The following C12orf42 variants were observed in gnomAD, a reference collection of about 807,000 sequenced individuals.
C12orf42 encodes the protein chromosome 12 open reading frame 42.
In C12orf42, 25 loss-of-function variants were observed where a neutral mutation model predicts 21.6. The observed-to-expected ratio is 1.16, with a 90% CI of 0.84 to 1.62. C12orf42 has a LOEUF of 1.62. Ranked by LOEUF, C12orf42 falls within the 40% of genes most tolerant of loss-of-function variation. The probability of loss-of-function intolerance (pLI) is 0.00; values close to 1 mark genes in which losing one functional copy is unlikely to be tolerated. For synonymous variants in C12orf42, 174 were observed against 175.0 expected, an observed-to-expected ratio of 0.99 and a Z score of 0.05; for missense variants, 483 against 459.3, an observed-to-expected ratio of 1.05 and a Z score of -0.47.
At chr12:103,346,100 A>G (rs1442560842) in intron 4 of C12orf42, among the ~76,000 whole-genome samples, 1 of 152,212 alleles carries the variant, frequency 6.6e-6, no homozygotes, top group Non-Finnish European at 1.5e-5. Flanking sequence ...TCAATGTTAA[A>G]TAACAAGAAA....
chr12:103,505,418 T>G, the C12orf42 span: 4 of 358,306 alleles, frequency 1.1e-5, no homozygotes, highest in Non-Finnish European at 1.6e-5. Flanking sequence ...CATTGACTGG[T>G]AACCACCTGA....
intron 4 of C12orf42, among the ~76,000 whole-genome samples, chr12:103,346,325 G>A (rs2042619009): frequency 6.6e-6 from 1 of 152,110 alleles, no homozygotes; most frequent in African/African-American, 2.4e-5. Context: ...GTTTATAAAT[G>A]AATAAACACA....
the C12orf42 span, among the ~76,000 whole-genome samples, chr12:103,063,959 G>A: frequency 2.0e-5 from 3 of 148,890 alleles, no homozygotes; most frequent in Admixed American, 1.3e-4. Context: ...AGTTAAAAAG[G>A]TTCTAATAGT....
chr12:103,086,374 G>T, the C12orf42 span, among the ~76,000 whole-genome samples: 2 of 148,668 alleles, frequency 1.3e-5, no homozygotes, highest in African/African-American at 4.9e-5. Flanking sequence ...GGTTTAAGAT[G>T]AAAAAAAAAG....
At chr12:103,445,180 T>C (rs113367497) in intron 2 of C12orf42, among the ~76,000 whole-genome samples, 1,760 of 152,196 alleles carry the variant, frequency 0.012, 32 homozygotes, top group African/African-American at 0.04. Flanking sequence ...CTGTGGGATC[T>C]GACACTGTCT....
At chr12:103,495,353 G>A (rs868659543) in intron 1 of C12orf42, among the ~76,000 whole-genome samples, 1 of 152,140 alleles carries the variant, frequency 6.6e-6, no homozygotes, top group African/African-American at 2.4e-5. Context: ...GAGGTGAGCA[G>A]GGCTGCAAAG....
exon 11 of C12orf42, chr12:103,237,902 C>A (rs2033524411): frequency 6.6e-6 from 1 of 152,144 alleles, no homozygotes; most frequent in African/African-American, 2.4e-5. Flanking sequence ...TCACAGGAAA[C>A]CTGGATTCAA....
At chr12:103,210,675 T>G in the C12orf42 span, among the ~76,000 whole-genome samples, 1 of 151,374 alleles carries the variant, frequency 6.6e-6, no homozygotes, top group African/African-American at 2.4e-5. Flanking sequence ...TAGTTTTCTT[T>G]TATTAATTGT....
chr12:103,157,640 T>A, the C12orf42 span, among the ~76,000 whole-genome samples: 2 of 152,198 alleles, frequency 1.3e-5, no homozygotes, highest in African/African-American at 2.4e-5. Context: ...TGAGTTAATT[T>A]TTGTATAACG....
At chr12:103,188,777 C>T in the C12orf42 span, among the ~76,000 whole-genome samples, 1 of 152,224 alleles carries the variant, frequency 6.6e-6, no homozygotes, top group Non-Finnish European at 1.5e-5. Context: ...TTTCTGAAAG[C>T]TTCATCAGAT....
At chr12:103,118,508 C>A in the C12orf42 span, among the ~76,000 whole-genome samples, 2 of 152,012 alleles carry the variant, frequency 1.3e-5, no homozygotes, top group Admixed American at 1.3e-4. Context: ...TATGAAAATA[C>A]TAGCTTTTGG....
chr12:103,301,292 G>A (rs2037630344), downstream of C12orf42, among the ~76,000 whole-genome samples: 1 of 152,188 alleles, frequency 6.6e-6, no homozygotes, highest in East Asian at 1.9e-4. Context: ...AAAACTGCAT[G>A]TATGCATATC....
rs12368950 is a variant in C12orf42, at chr12:103,412,406, C to T, written c.79-10731G>A. ...AGAGACAGCTGGGCGCAGTAGCTCA[C>T]GCCTGTAATCCCAGCACTTTGGGAG... On this transcript the variant is annotated intron_variant, in intron 2 of 5. Coordinates refer to ENST00000548883, the MANE Select transcript of C12orf42 (RefSeq NM_198521.5). 7.6e-4 allele frequency among the ~76,000 whole-genome samples: 116 copies of T among 152,328 alleles called. 1 individual carries two copies. The highest frequency in any genetic ancestry group is 1.2e-3 in the Non-Finnish European group (84 of 68,024).
chr12:103,499,098 G>A (rs374141120), upstream of C12orf42, among the ~76,000 whole-genome samples: 4 of 152,084 alleles, frequency 2.6e-5, no homozygotes, highest in South Asian at 2.1e-4. Flanking sequence ...GATGGGGAGC[G>A]AGGAGGATGG....
At chr12:103,330,187 A>G (rs1199773647) in intron 4 of C12orf42, among the ~76,000 whole-genome samples, 5 of 152,184 alleles carry the variant, frequency 3.3e-5, no homozygotes, top group Non-Finnish European at 5.9e-5. Flanking sequence ...ATAGTGTTTA[A>G]TTGGGATTAT....
chr12:103,307,844 G>T (rs1460241430), intron 4 of C12orf42, among the ~76,000 whole-genome samples: 1 of 152,094 alleles, frequency 6.6e-6, no homozygotes, highest in Admixed American at 6.6e-5. Context: ...TTGGGGAGAG[G>T]GGTGCTGTGA....
intron 10 of C12orf42, among the ~76,000 whole-genome samples, chr12:103,259,538 CA>C (rs1433605371): frequency 1.3e-5 from 2 of 152,202 alleles, no homozygotes; most frequent in Non-Finnish European, 2.9e-5. Context: ...CTCGGCCTCC[CA>C]AAGTGCTGGG....
chr12:103,317,294 C>G (rs887826322), intron 4 of C12orf42, among the ~76,000 whole-genome samples: 2 of 152,110 alleles, frequency 1.3e-5, no homozygotes, highest in African/African-American at 2.4e-5. Flanking sequence ...TCAACCACCC[C>G]CTCTCTCCTA....
rs1954218998 is a variant in C12orf42, at chr12:103,478,361, TG to T, written c.65del (p.Ala22GlufsTer14). 1 of 1,601,272 alleles carries T rather than the reference TG, an allele frequency of 6.2e-7. No homozygotes were observed. Among genetic ancestry groups the T allele is most frequent in the Non-Finnish European group, 8.5e-7 (1 of 1,171,594 alleles). On this transcript the variant is annotated frameshift_variant, in exon 2 of 6. Coordinates refer to ENST00000548883, the MANE Select transcript of C12orf42 (RefSeq NM_198521.5). LOFTEE classifies it high-confidence loss of function. Reference sequence around the variant, plus strand: ...TCTTATGCATTACCTGCATCCTGTTTGCAAAAGGTCTGATGGTTAGCAAGAA... The same window carrying T: ...TCTTATGCATTACCTGCATCCTGTTTCAAAAGGTCTGATGGTTAGCAAGAA... ...EEFLLTIRPF[A>X]NRMQKSPCYI...
Sources: gnomAD v4.1 joint callset for allele counts (sites outside exome capture counted in the v4.1 genomes callset) on GRCh38, gnomAD v4.1.1 for gene constraint, MANE v1.5 for transcripts, NCBI Gene and HGNC (gene_info 2026-07-23, HGNC 2026-07-21) for gene names.